Variants in SCFD2 observed in about 807,000 individuals in gnomAD.
The protein encoded by SCFD2 is sec1 family domain-containing protein 2.
Under a neutral mutation model 58.9 loss-of-function variants are expected in SCFD2, and 54 were observed. The ratio of observed to expected loss-of-function variants is 0.92; its 90% CI spans 0.74 to 1.15. The LOEUF (loss-of-function observed/expected upper bound fraction) is 1.15, where lower values mean the gene tolerates loss of function less well. Among genes scored for constraint, SCFD2 ranks in the 50% most tolerant of loss-of-function variants. SCFD2 has a pLI of 0.00. For missense variants in SCFD2, 805 were observed against 836.6 expected, an observed-to-expected ratio of 0.96 and a Z score of 0.47; for synonymous variants, 321 against 335.9, an observed-to-expected ratio of 0.96 and a Z score of 0.49.
chr4:53,304,068 G>A lies in SCFD2; in HGVS notation c.1135+9568C>T, dbSNP rs192016489. On this transcript the variant is annotated intron_variant, in intron 3 of 8. Coordinates refer to ENST00000401642, the MANE Select transcript of SCFD2 (RefSeq NM_152540.4). ...GTATATATATGTAACAAACCTGCAC[G>A]TTGTGCACATGTACCCTAAAACTTA... is the stretch of plus-strand genomic sequence containing the variant. Among the ~76,000 whole-genome samples the A allele has an allele frequency of 8.8e-3, 1,322 of 150,734 alleles. 19 individuals carry two copies. The highest frequency in any genetic ancestry group is 0.03 in the African/African-American group (1,243 of 40,946).
At chr4:52,920,256 G>T (rs1719703113) in intron 6 of SCFD2, among the ~76,000 whole-genome samples, 1 of 152,192 alleles carries the variant, frequency 6.6e-6, no homozygotes, top group Non-Finnish European at 1.5e-5. Flanking sequence ...AAGCAGTGGA[G>T]GAATTTTAAA....
At chr4:52,989,683 A>T (rs561484476) in intron 5 of SCFD2, among the ~76,000 whole-genome samples, 2 of 152,164 alleles carry the variant, frequency 1.3e-5, no homozygotes, top group Non-Finnish European at 2.9e-5. Context: ...ATTGGATTCT[A>T]TTCACCTTGA....
At position 53,025,702 on chromosome 4, in the gene SCFD2, C is replaced by T. The variant is rs562626102; in HGVS notation, c.1562-104832G>A. On this transcript the variant is annotated intron_variant, in intron 5 of 8. Coordinates refer to ENST00000401642, the MANE Select transcript of SCFD2 (RefSeq NM_152540.4). ...TTTTGAAAAAGCTATTCAATTGATG[C>T]GGGAAAAACTACCACATTGTGAGCT... 2.6e-5 allele frequency among the ~76,000 whole-genome samples: 4 copies of T among 152,234 alleles called. No homozygotes were observed. The South Asian group carries it at 6.2e-4, about 24-fold the overall frequency.
intron 4 of SCFD2, among the ~76,000 whole-genome samples, chr4:53,256,994 T>C (rs1276028463): frequency 6.6e-6 from 1 of 151,920 alleles, no homozygotes; most frequent in African/African-American, 2.4e-5. Context: ...TATTTCCTCA[T>C]AGCAGTGTGA....
chr4:53,047,211 G>A (rs1033216270), intron 5 of SCFD2, among the ~76,000 whole-genome samples: 9 of 152,274 alleles, frequency 5.9e-5, no homozygotes, highest in South Asian at 4.2e-4. Flanking sequence ...ACTTTGAGAG[G>A]CTGAGGCAGG....
At chr4:53,200,972 T>C (rs1728211509) in intron 4 of SCFD2, among the ~76,000 whole-genome samples, 1 of 151,472 alleles carries the variant, frequency 6.6e-6, no homozygotes, top group Non-Finnish European at 1.5e-5. Flanking sequence ...AAGGTTGATA[T>C]GATTTATAAT....
At chr4:53,156,656 C>G (rs1160894142) in intron 4 of SCFD2, among the ~76,000 whole-genome samples, 1 of 152,230 alleles carries the variant, frequency 6.6e-6, no homozygotes, top group East Asian at 1.9e-4. Context: ...CGAGATTGAG[C>G]CACTGCGCTC....
chr4:53,122,008 C>T (rs9790561), intron 5 of SCFD2, among the ~76,000 whole-genome samples: 17,832 of 152,048 alleles, frequency 0.12, 1,301 homozygotes, highest in South Asian at 0.25. Context: ...CATTTGAACC[C>T]AATTCTGACC....
chr4:52,941,310 T>C (rs1395350529), intron 5 of SCFD2, among the ~76,000 whole-genome samples: 1 of 152,282 alleles, frequency 6.6e-6, no homozygotes, highest in Non-Finnish European at 1.5e-5. Context: ...CAAATAGATA[T>C]GTAAGTAAAT....
At chr4:52,994,234 C>T (rs558911280) in intron 5 of SCFD2, among the ~76,000 whole-genome samples, 1 of 152,308 alleles carries the variant, frequency 6.6e-6, no homozygotes, top group South Asian at 2.1e-4. Flanking sequence ...CTAGAGGATT[C>T]CCTGTTTTTC....
chr4:53,094,863 T>C (rs1339711724), intron 5 of SCFD2, among the ~76,000 whole-genome samples: 1 of 152,090 alleles, frequency 6.6e-6, no homozygotes. Context: ...CCAACAAAGC[T>C]TTTGCCCCCT....
intron 4 of SCFD2, among the ~76,000 whole-genome samples, chr4:53,197,747 CAAAAAAAAAA>C (rs10717880): frequency 1.0e-5 from 1 of 96,612 alleles, no homozygotes; most frequent in African/African-American, 3.8e-5. Context: ...TAGAAGATGG[CAAAAAAAAAA>C]AAAAAAAAAA....
chr4:53,349,169 G>C (rs1231306272), intron 2 of SCFD2, among the ~76,000 whole-genome samples: 2 of 152,194 alleles, frequency 1.3e-5, no homozygotes, highest in South Asian at 2.1e-4. Context: ...GGCTCAGTTA[G>C]GAACGATTTT....
intron 5 of SCFD2, among the ~76,000 whole-genome samples, chr4:52,936,134 G>T (rs1292603596): frequency 6.6e-6 from 1 of 152,170 alleles, no homozygotes; most frequent in African/African-American, 2.4e-5. Flanking sequence ...ACCGCACCCA[G>T]ACTTCCTTTC....
At chr4:53,075,760 C>T (rs1723953511) in intron 5 of SCFD2, among the ~76,000 whole-genome samples, 1 of 151,878 alleles carries the variant, frequency 6.6e-6, no homozygotes, top group Non-Finnish European at 1.5e-5. Context: ...TTCATGGTGC[C>T]CCCAAACAAT....
At chr4:52,975,724 G>A (rs1300101783) in intron 5 of SCFD2, among the ~76,000 whole-genome samples, 3 of 152,062 alleles carry the variant, frequency 2.0e-5, no homozygotes, top group South Asian at 2.1e-4. Flanking sequence ...ACATGCACAC[G>A]AATATTTATT....
chr4:52,970,503 T>C (rs920569816), intron 5 of SCFD2, among the ~76,000 whole-genome samples: 4 of 152,114 alleles, frequency 2.6e-5, no homozygotes, highest in Admixed American at 2.6e-4. Context: ...CTTGAGTAGG[T>C]AAACAAAGCT....
At chr4:53,308,907 G>T (rs563392534) in intron 3 of SCFD2, among the ~76,000 whole-genome samples, 17 of 152,118 alleles carry the variant, frequency 1.1e-4, no homozygotes, top group African/African-American at 3.4e-4. Context: ...GAGGCGGGCG[G>T]ATCACAAGGT....
rs140029991 is a variant in SCFD2 at position 53,024,226 on chromosome 4, T to C, written c.1562-103356A>G. 1.3e-3 allele frequency among the ~76,000 whole-genome samples: 200 copies of C among 150,780 alleles called. 1 individual carries two copies. Among genetic ancestry groups the C allele is most frequent in the African/African-American group, 4.7e-3 (189 of 40,218 alleles). ...CTTACCTCCCCAAAAAGAAGGATTC[T>C]AGGCTAACATTTGGCCCCAGAAAAA... On this transcript the variant is annotated intron_variant, in intron 5 of 8. Coordinates refer to ENST00000401642, the MANE Select transcript of SCFD2 (RefSeq NM_152540.4).
Sources: gnomAD v4.1 joint callset for allele counts (sites outside exome capture counted in the v4.1 genomes callset) on GRCh38, gnomAD v4.1.1 for gene constraint, MANE v1.5 for transcripts, NCBI Gene and HGNC (gene_info 2026-07-23, HGNC 2026-07-21) for gene names.